The following CSMD1 variants were observed in gnomAD, a reference collection of about 807,000 sequenced individuals.
CSMD1 encodes CUB and sushi domain-containing protein 1.
Under a neutral mutation model 417.5 loss-of-function variants are expected in CSMD1, and 213 were observed. That is an observed-to-expected ratio of 0.51 (90% CI 0.46 to 0.57). The LOEUF (loss-of-function observed/expected upper bound fraction) is 0.57. CSMD1 is among the 20% of genes least tolerant of loss of function. CSMD1 has a pLI of 0.00. For synonymous variants in CSMD1, 2,862 were observed against 1,736.8 expected, an observed-to-expected ratio of 1.65 and a Z score of -16.11; for missense variants, 6,923 against 4,529.7, an observed-to-expected ratio of 1.53 and a Z score of -15.17.
intron 50 of CSMD1, among the ~76,000 whole-genome samples, chr8:3,038,070 T>A (rs981824771): frequency 4.6e-5 from 7 of 152,180 alleles, no homozygotes; most frequent in Admixed American, 3.3e-4. Flanking sequence ...AAAATACATA[T>A]ATTTGAGCAG....
At chr8:3,299,763 G>C (rs979438513) in intron 25 of CSMD1, among the ~76,000 whole-genome samples, 1 of 152,104 alleles carries the variant, frequency 6.6e-6, no homozygotes, top group African/African-American at 2.4e-5. Context: ...AGTCAACATA[G>C]GAAAGGTATA....
intron 1 of CSMD1, among the ~76,000 whole-genome samples, chr8:4,929,923 C>T (rs946617756): frequency 6.6e-6 from 1 of 152,246 alleles, no homozygotes; most frequent in East Asian, 1.9e-4. Context: ...AAGTATATTG[C>T]AAGAGCTAAT....
At chr8:3,797,273 G>C (rs1443267303) in intron 5 of CSMD1, among the ~76,000 whole-genome samples, 1 of 151,882 alleles carries the variant, frequency 6.6e-6, no homozygotes, top group Non-Finnish European at 1.5e-5. Context: ...TTTTAAAATT[G>C]AGGTAAAATA....
intron 23 of CSMD1, among the ~76,000 whole-genome samples, chr8:3,338,075 T>C (rs1279372390): frequency 2.0e-5 from 3 of 152,186 alleles, no homozygotes; most frequent in Non-Finnish European, 4.4e-5. Flanking sequence ...CGTTGTGGGA[T>C]TGGAATTGTG....
intron 26 of CSMD1, among the ~76,000 whole-genome samples, chr8:3,267,401 C>T (rs1801513951): frequency 6.6e-6 from 1 of 152,206 alleles, no homozygotes; most frequent in African/African-American, 2.4e-5. Context: ...TGGAGCAAGG[C>T]TTCGCTGCAA....
At chr8:3,644,585 G>T (rs1317680671) in intron 7 of CSMD1, among the ~76,000 whole-genome samples, 3 of 152,154 alleles carry the variant, frequency 2.0e-5, no homozygotes, top group Non-Finnish European at 4.4e-5. Flanking sequence ...AAGGATTGCA[G>T]AGCTGTGAAA....
At chr8:4,253,177 G>C (rs930205453) in intron 3 of CSMD1, among the ~76,000 whole-genome samples, 4 of 152,088 alleles carry the variant, frequency 2.6e-5, no homozygotes, top group African/African-American at 7.2e-5. Flanking sequence ...CATTCTATCT[G>C]GTCTATTCTC....
intron 3 of CSMD1, among the ~76,000 whole-genome samples, chr8:4,067,863 G>C (rs188655298): frequency 1.3e-5 from 2 of 152,098 alleles, no homozygotes; most frequent in South Asian, 2.1e-4. Context: ...CGGATCATGA[G>C]GTCAAGAGAT....
chr8:3,402,448 C>T (rs889865241), intron 15 of CSMD1, among the ~76,000 whole-genome samples: 1 of 152,056 alleles, frequency 6.6e-6, no homozygotes, highest in Admixed American at 6.6e-5. Flanking sequence ...TTCATGATGC[C>T]ACTGAGCTGC....
At chr8:3,228,565 G>A (rs1042867546) in intron 27 of CSMD1, among the ~76,000 whole-genome samples, 8 of 152,116 alleles carry the variant, frequency 5.3e-5, no homozygotes, top group African/African-American at 1.9e-4. Context: ...ACCTTTTGGT[G>A]CGTATTGGAC....
intron 3 of CSMD1, among the ~76,000 whole-genome samples, chr8:4,180,349 T>C (rs1798291450): frequency 6.8e-6 from 1 of 147,370 alleles, no homozygotes. Context: ...ACAATGCATG[T>C]TCTCACTCAT....
Position 3,407,916 on chromosome 8 carries a change from A to G in CSMD1, c.2054T>C (p.Phe685Ser). 6.2e-7 allele frequency: 1 copy of G among 1,610,704 alleles called. No homozygotes were observed. The highest frequency in any genetic ancestry group is 8.5e-7 in the Non-Finnish European group (1 of 1,177,666). ...GTACTTACTGGTGTAAGTGATGTTG[A>G]ACCCTCTGCCAGTAGTGGAATGGTC... The part of the protein sequence containing the change: ...QSDHSTTGRG[F>S]NITYTTFGQN... Residue 685 changes from phenylalanine (F) to serine (S), a missense_variant, in exon 14 of 70, where the codon TTC becomes TCC. Physicochemically the swap from Phe to Ser is radical, Grantham distance 155 (BLOSUM62 -2). Coordinates refer to ENST00000635120, the MANE Select transcript of CSMD1 (RefSeq NM_033225.6).
chr8:4,180,983 T>A (rs1393976055), intron 3 of CSMD1, among the ~76,000 whole-genome samples: 1 of 152,162 alleles, frequency 6.6e-6, no homozygotes, highest in Non-Finnish European at 1.5e-5. Flanking sequence ...TGGCTTACCA[T>A]TTCCGTACCC....
At chr8:2,939,721 G>A (rs1359852597) in intron 69 of CSMD1, among the ~76,000 whole-genome samples, 1 of 152,230 alleles carries the variant, frequency 6.6e-6, no homozygotes, top group Non-Finnish European at 1.5e-5. Context: ...AAAAAGAGAA[G>A]TACGTGGCAC....
chr8:4,093,449 G>C (rs1800824461), intron 3 of CSMD1, among the ~76,000 whole-genome samples: 2 of 152,126 alleles, frequency 1.3e-5, no homozygotes, highest in Non-Finnish European at 2.9e-5. Context: ...CCTTGAATCT[G>C]AATATCTGAA....
chr8:4,586,090 A>G (rs371292069), intron 2 of CSMD1, among the ~76,000 whole-genome samples: 68 of 152,348 alleles, frequency 4.5e-4, no homozygotes, highest in East Asian at 3.7e-3. Flanking sequence ...CAAGCATACA[A>G]CGTGTAATGA....
intron 68 of CSMD1, among the ~76,000 whole-genome samples, chr8:2,946,212 AC>A (rs948116683): frequency 6.6e-6 from 1 of 152,088 alleles, no homozygotes; most frequent in African/African-American, 2.4e-5. Context: ...TCTTTTGTTG[AC>A]CAAAATGTCA....
intron 1 of CSMD1, among the ~76,000 whole-genome samples, chr8:4,700,757 G>A (rs920530249): frequency 3.9e-5 from 6 of 152,024 alleles, no homozygotes; most frequent in Admixed American, 6.6e-5. Flanking sequence ...TGCAACTTAC[G>A]CTGCAATAAA....
chr8:3,537,835 C>A (rs1176771595), intron 10 of CSMD1, among the ~76,000 whole-genome samples: 1 of 152,204 alleles, frequency 6.6e-6, no homozygotes, highest in Non-Finnish European at 1.5e-5. Flanking sequence ...ATGTTACAGA[C>A]ACAATAAATA....
Sources: allele counts gnomAD v4.1 joint callset (sites outside exome capture counted in the v4.1 genomes callset), GRCh38; gene constraint gnomAD v4.1.1; transcripts MANE v1.5; gene names NCBI Gene and HGNC (gene_info 2026-07-23, HGNC 2026-07-21).